PIK3CB: variants seen among roughly 807,000 people sequenced by gnomAD.
PIK3CB encodes the protein phosphatidylinositol 4,5-bisphosphate 3-kinase catalytic subunit beta isoform.
Under a neutral mutation model 136.8 loss-of-function variants are expected in PIK3CB, and 39 were observed. The ratio of observed to expected loss-of-function variants is 0.29; its 90% confidence interval spans 0.22 to 0.37. The LOEUF (loss-of-function observed/expected upper bound fraction) is 0.37, where lower values mean the gene tolerates loss of function less well. PIK3CB is among the 10% of genes least tolerant of loss of function. The pLI, the probability that PIK3CB is intolerant of heterozygous loss-of-function variation, is 1.00. For missense variants in PIK3CB, 868 were observed against 1,275.4 expected (o/e 0.68, Z 4.87); for synonymous variants, 428 against 436.6 (o/e 0.98, Z 0.25).
chr3:138,694,671 G>T, intron 14 of PIK3CB, 115 bp downstream of exon 14: 1 of 1,094,156 alleles, frequency 9.1e-7, no homozygotes, highest in Non-Finnish European at 1.3e-6. Context: ...CAAATGCTTT[G>T]AACTGTGAAT....
intron 2 of PIK3CB, among the ~76,000 whole-genome samples, chr3:138,767,574 G>A (rs1444148478): frequency 2.6e-5 from 4 of 152,302 alleles, no homozygotes; most frequent in East Asian, 1.9e-4. Flanking sequence ...GGCTGCACTC[G>A]ATTCACACTA....
In PIK3CB at chr3:138,782,430, T is replaced by G. The variant is rs534864025; in HGVS notation, c.-17+14033A>C. Among the ~76,000 whole-genome samples, 9 of 152,350 alleles carry G rather than the reference T, an allele frequency of 5.9e-5. No individual in the cohort carries two copies. In the South Asian group the frequency reaches 1.4e-3, roughly 25 times the overall value. On this transcript the variant is annotated intron_variant, in intron 2 of 23. Coordinates refer to ENST00000674063, the MANE Select transcript of PIK3CB (RefSeq NM_006219.3). ...AATCACTAAGGAAGAAGGGTGTGTG[T>G]GTGATAAATCTCCTGAGTATAGATC...
At chr3:138,670,697 C>A (rs543076306) in intron 19 of PIK3CB, among the ~76,000 whole-genome samples, 1 of 152,140 alleles carries the variant, frequency 6.6e-6, no homozygotes, top group Non-Finnish European at 1.5e-5. Flanking sequence ...CTTATCTATG[C>A]AGTATACCTT....
At chr3:138,768,213 G>A (rs984696648) in intron 2 of PIK3CB, among the ~76,000 whole-genome samples, 2 of 152,048 alleles carry the variant, frequency 1.3e-5, no homozygotes, top group African/African-American at 4.8e-5. Flanking sequence ...CAGCAGAGAG[G>A]AGGCCCTGGA....
At chr3:138,699,467 G>A (rs1296439753) in intron 12 of PIK3CB, among the ~76,000 whole-genome samples, 1 of 151,500 alleles carries the variant, frequency 6.6e-6, no homozygotes, top group East Asian at 2.0e-4. Context: ...CCTGGGCAAC[G>A]TGGTGAAAAC....
chr3:138,808,590 G>T (rs1005496992), intron 1 of PIK3CB, among the ~76,000 whole-genome samples: 1 of 151,896 alleles, frequency 6.6e-6, no homozygotes, highest in Non-Finnish European at 1.5e-5. Context: ...CTGAGGTGGG[G>T]TGGGGGTCAC....
At chr3:138,798,882 C>T (rs1051172368) in intron 1 of PIK3CB, among the ~76,000 whole-genome samples, 7 of 151,892 alleles carry the variant, frequency 4.6e-5, no homozygotes, top group Non-Finnish European at 8.8e-5. Flanking sequence ...TCTCGGGGTC[C>T]GGGTCAACTT....
At chr3:138,683,122 G>GT (rs2108484135) in intron 18 of PIK3CB, among the ~76,000 whole-genome samples, 1 of 152,272 alleles carries the variant, frequency 6.6e-6, no homozygotes, top group South Asian at 2.1e-4. Context: ...AAAGGCCGGG[G>GT]TGGGTAAATC....
At chr3:138,813,162 T>C (rs1302499752) in intron 1 of PIK3CB, among the ~76,000 whole-genome samples, 3 of 152,114 alleles carry the variant, frequency 2.0e-5, no homozygotes, top group Non-Finnish European at 4.4e-5. Flanking sequence ...TGAACATCAT[T>C]CCTTTTTAGG....
At chr3:138,703,610 GTAGATA>G (rs1009055468) in intron 12 of PIK3CB, among the ~76,000 whole-genome samples, 7 of 151,788 alleles carry the variant, frequency 4.6e-5, no homozygotes, top group South Asian at 2.1e-4. Flanking sequence ...ATATATAAAT[GTAGATA>G]TAGATATAGA....
intron 5 of PIK3CB, among the ~76,000 whole-genome samples, chr3:138,741,068 AC>A (rs895015148): frequency 6.6e-6 from 1 of 152,230 alleles, no homozygotes; most frequent in Non-Finnish European, 1.5e-5. Context: ...TCAAATCTTG[AC>A]TTAAATTGAA....
chr3:138,822,936 A>G lies in PIK3CB; in HGVS notation c.-122+11759T>C, dbSNP rs536709989. On this transcript the variant is annotated intron_variant, in intron 1 of 23. Coordinates refer to ENST00000674063, the MANE Select transcript of PIK3CB (RefSeq NM_006219.3). Reference sequence around the variant, plus strand: ...TATGAAATATACATGAAACATATATACGAAATATATATACATGAAATATAT... The same window carrying G: ...TATGAAATATACATGAAACATATATGCGAAATATATATACATGAAATATAT... 4.8e-5 allele frequency among the ~76,000 whole-genome samples: 7 copies of G among 146,996 alleles called. No individual in the cohort carries two copies. The South Asian group carries it at 1.5e-3, about 31-fold the overall frequency.
chr3:138,783,761 GC>G (rs927050431), intron 2 of PIK3CB, among the ~76,000 whole-genome samples: 44 of 152,216 alleles, frequency 2.9e-4, no homozygotes, highest in African/African-American at 9.6e-4. Flanking sequence ...TGTTCTTCAT[GC>G]AAAAGAACAA....
intron 2 of PIK3CB, among the ~76,000 whole-genome samples, chr3:138,768,768 C>G (rs2045764919): frequency 6.6e-6 from 1 of 152,196 alleles, no homozygotes. Flanking sequence ...CGTGTCAGCA[C>G]TACCCTGAGC....
intron 1 of PIK3CB, chr3:138,826,423 G>T: frequency 1.4e-5 from 13 of 909,988 alleles, no homozygotes; most frequent in Middle Eastern, 3.9e-4. Context: ...AGGTTTAATA[G>T]TAAATGACTG....
intron 2 of PIK3CB, among the ~76,000 whole-genome samples, chr3:138,778,984 G>A (rs2045891670): frequency 6.7e-6 from 1 of 149,194 alleles, no homozygotes; most frequent in African/African-American, 2.5e-5. Context: ...ACTTTGTAGT[G>A]CACCATCAAT....
At chr3:138,698,854 T>A in intron 13 of PIK3CB, 53 bp downstream of exon 13, 1 of 1,074,966 alleles carries the variant, frequency 9.3e-7, no homozygotes, top group Non-Finnish European at 1.3e-6. Flanking sequence ...TTTATGTGAA[T>A]CCAACCAAGT....
intron 3 of PIK3CB, among the ~76,000 whole-genome samples, chr3:138,757,558 AC>A (rs1445290823): frequency 6.6e-6 from 1 of 151,302 alleles, no homozygotes; most frequent in East Asian, 1.9e-4. Context: ...TCTTAGACAA[AC>A]AAAAAAAGGA....
At chr3:138,771,116 G>T (rs1005591915) in intron 2 of PIK3CB, among the ~76,000 whole-genome samples, 1 of 152,064 alleles carries the variant, frequency 6.6e-6, no homozygotes, top group African/African-American at 2.4e-5. Context: ...CCCTACCCCC[G>T]ACGTTGCTCA....
Sources: gnomAD v4.1 joint callset for allele counts (sites outside exome capture counted in the v4.1 genomes callset) on GRCh38, gnomAD v4.1.1 for gene constraint, MANE v1.5 for transcripts, NCBI Gene and HGNC (gene_info 2026-07-23, HGNC 2026-07-21) for gene names.